The following TRIO variants were observed in gnomAD, a reference collection of about 807,000 sequenced individuals.
The protein encoded by TRIO is triple functional domain protein.
In TRIO, 58 loss-of-function variants were observed where a neutral mutation model predicts 351.9. The ratio of observed to expected loss-of-function variants is 0.16; its 90% CI spans 0.13 to 0.21. The LOEUF (loss-of-function observed/expected upper bound fraction) is 0.21, where lower values mean the gene tolerates loss of function less well. Ranked by LOEUF, TRIO falls within the 10% of genes least tolerant of loss-of-function variation. The pLI, the probability that TRIO is intolerant of heterozygous loss-of-function variation, is 1.00. For missense variants in TRIO, 3,201 were observed against 4,027.8 expected, an observed-to-expected ratio of 0.79 and a Z score of 5.56; for synonymous variants, 1,758 against 1,595.7, an observed-to-expected ratio of 1.10 and a Z score of -2.42.
Position 14,507,149 on chromosome 5 carries a change from C to T in TRIO, c.8640C>T (p.Cys2880=), listed in dbSNP as rs566858188. The change falls in exon 56 of 57, where the codon TGC becomes TGT. Residue 2880 remains cysteine, a synonymous_variant. Transcript: ENST00000344204. The part of the protein sequence containing the change: ...EMADQGRLLD[C]VVRWGSLTEG... The stretch of plus-strand genomic sequence containing the variant: ...CTGACCAGGGTCGCCTCCTGGACTG[C>T]GTGGTGCGATGGGGAAGCCTCACTG... 131 of 1,611,030 alleles carry T rather than the reference C, an allele frequency of 8.1e-5. No individual in the cohort carries two copies. The South Asian group carries it at 1.1e-3, about 13-fold the overall frequency.
At position 14,387,474 on chromosome 5, in the gene TRIO, G is replaced by T. The variant is rs1470190534; in HGVS notation, c.3607G>T (p.Ala1203Ser). The T allele has an allele frequency of 6.2e-7, 1 of 1,613,732 alleles. No homozygotes were observed. Among genetic ancestry groups the T allele is most frequent in the South Asian group, 1.1e-5 (1 of 91,034 alleles). Residue 1203 changes from alanine (A) to serine (S), a missense_variant, in exon 22 of 57, where the codon GCT (alanine) becomes TCT (serine). Around this residue, in one of 19 missense-constraint regions of TRIO, gnomAD observed 201 missense variants for 266.5 expected, o/e 0.75. Coordinates refer to ENST00000344204, the MANE Select transcript of TRIO (RefSeq NM_007118.4). ...GAGAGTGAAGCTATTGATACAGCTG[G>T]CTGATGGCTTTTGTGAAAAAGGGCA... ...KERVKLLIQLADGFCEKGHAH... is the reference protein window; with the variant it reads ...KERVKLLIQLSDGFCEKGHAH...
At chr5:14,354,732 A>T (rs182994282) in intron 11 of TRIO, among the ~76,000 whole-genome samples, 2 of 152,334 alleles carry the variant, frequency 1.3e-5, no homozygotes, top group Non-Finnish European at 2.9e-5. Context: ...TGGCAGTGGG[A>T]CAGAGTAATA....
chr5:14,367,867 C>T (rs561301646), intron 16 of TRIO, among the ~76,000 whole-genome samples: 1 of 152,192 alleles, frequency 6.6e-6, no homozygotes, highest in African/African-American at 2.4e-5. Context: ...GTATACTGTG[C>T]CAAGGGATTT....
At chr5:14,308,790 C>CACCCAACT (rs1182108152) in intron 8 of TRIO, among the ~76,000 whole-genome samples, 3 of 151,978 alleles carry the variant, frequency 2.0e-5, no homozygotes, top group Non-Finnish European at 4.4e-5. Flanking sequence ...TCCAACCAAC[C>CACCCAACT]ACCCATCCTA....
In TRIO at chr5:14,472,614, G is replaced by A. The variant is rs1754771087; in HGVS notation, c.5935G>A (p.Glu1979Lys). 1 of 1,614,000 alleles carries A rather than the reference G, an allele frequency of 6.2e-7. No individual in the cohort carries two copies. Among genetic ancestry groups the A allele is most frequent in the South Asian group, 1.1e-5 (1 of 91,086 alleles). Residue 1979 changes from glutamate (E) to lysine (K), a missense_variant, in exon 39 of 57, where the codon GAG (glutamate) becomes AAG (lysine). Around this residue, in one of 19 missense-constraint regions of TRIO, gnomAD observed 307 missense variants for 396.5 expected, o/e 0.77. Coordinates refer to ENST00000344204, the MANE Select transcript of TRIO (RefSeq NM_007118.4). ...RRHYVLQELVETERDYVRDLG... is the reference protein window; with the variant it reads ...RRHYVLQELVKTERDYVRDLG... ...CAGCTACGTTTTGCAAGAACTAGTGGAGACAGAGCGTGACTATGTGCGGGA... is the reference window on the plus strand; with the variant it reads ...CAGCTACGTTTTGCAAGAACTAGTGAAGACAGAGCGTGACTATGTGCGGGA...
At chr5:14,470,659 A>G (rs1214966689) in intron 37 of TRIO, among the ~76,000 whole-genome samples, 1 of 152,262 alleles carries the variant, frequency 6.6e-6, no homozygotes, top group Non-Finnish European at 1.5e-5. Context: ...AATCACCTAT[A>G]GAAACCAAAA....
intron 6 of TRIO, among the ~76,000 whole-genome samples, chr5:14,294,923 T>G (rs992494967): frequency 6.6e-6 from 1 of 152,178 alleles, no homozygotes; most frequent in Non-Finnish European, 1.5e-5. Context: ...CAGCTATTTT[T>G]TTTGGGAGGG....
chr5:14,437,122 T>C (rs1193163222), intron 34 of TRIO, among the ~76,000 whole-genome samples: 3 of 152,236 alleles, frequency 2.0e-5, no homozygotes, highest in Non-Finnish European at 2.9e-5. Context: ...TGGATTTCAT[T>C]CTCTGGAATG....
At chr5:14,232,543 A>G (rs1793507260) in intron 1 of TRIO, among the ~76,000 whole-genome samples, 1 of 152,252 alleles carries the variant, frequency 6.6e-6, no homozygotes, top group African/African-American at 2.4e-5. Flanking sequence ...ATTGTCTGGC[A>G]TCATTGCTGC....
In TRIO at chr5:14,396,443, C is replaced by CTTTTTTTTTTTT. The variant is rs1173121592; in HGVS notation, c.4312-567_4312-556dup. ...ATAATAATTAAATATTTCTATTTAT[C>CTTTTTTTTTTTT]TTTTTTTTTTTTTTTTTTTTTTTTT... On this transcript the variant is annotated intron_variant, in intron 28 of 56. Coordinates refer to ENST00000344204, the MANE Select transcript of TRIO (RefSeq NM_007118.4). Among the ~76,000 whole-genome samples the CTTTTTTTTTTTT allele has an allele frequency of 2.5e-3, 103 of 41,554 alleles. 28 individuals carry two copies. The highest frequency in any genetic ancestry group is 3.3e-3 in the Non-Finnish European group (73 of 22,184). 27.3% of individuals were successfully genotyped at this position (41,554 alleles called of 152,430 possible). A position where few individuals can be genotyped will look rare whatever the true frequency, so the allele number is the denominator to read the frequency against.
rs559950656 is a variant in TRIO, at chr5:14,315,625, CTACT to C, written c.1501-885_1501-882del. Among the ~76,000 whole-genome samples the C allele has an allele frequency of 1.1e-3, 162 of 152,264 alleles. 1 individual carries two copies. The highest frequency in any genetic ancestry group is 1.6e-3 in the Non-Finnish European group (107 of 68,002). The stretch of plus-strand genomic sequence containing the variant: ...GAAGGATCATGTGAAGAGGCCCTAC[CTACT>C]TAAGACACCTGCATCCCACACCTGG... On this transcript the variant is annotated intron_variant, in intron 8 of 56. Coordinates refer to ENST00000344204, the MANE Select transcript of TRIO (RefSeq NM_007118.4).
intron 12 of TRIO, among the ~76,000 whole-genome samples, chr5:14,359,156 A>G (rs115800266): frequency 0.011 from 1,688 of 152,358 alleles, 37 homozygotes; most frequent in African/African-American, 0.038. Flanking sequence ...AAATTCTTCA[A>G]TGTATCCTCA....
Position 14,369,278 on chromosome 5 carries a change from T to C in TRIO, c.3067-96T>C. 2.0e-6 allele frequency: 3 copies of C among 1,483,520 alleles called. No homozygotes were observed. The South Asian group carries it at 4.2e-5, about 21-fold the overall frequency. 91.9% of individuals were successfully genotyped at this position (1,483,520 alleles called of 1,614,324 possible). A position where few individuals can be genotyped will look rare whatever the true frequency, so the allele number is the denominator to read the frequency against. ...TATGGTCTTGATCCTCCTGACAGCA[T>C]CTTCATCCCCAGAGCCCGACTGAAA... is the stretch of plus-strand genomic sequence containing the variant. On this transcript the variant is annotated intron_variant, in intron 17 of 56. Transcript: ENST00000344204.
chr5:14,358,454 G>A, intron 12 of TRIO, 107 bp downstream of exon 12: 1 of 1,366,132 alleles, frequency 7.3e-7, no homozygotes, highest in Non-Finnish European at 1.0e-6. Flanking sequence ...CTGTCCAGCT[G>A]AGTGCAGAGC....
intron 11 of TRIO, among the ~76,000 whole-genome samples, chr5:14,350,125 A>G (rs1367026285): frequency 6.6e-6 from 1 of 152,128 alleles, no homozygotes; most frequent in Non-Finnish European, 1.5e-5. Context: ...GCTTGTGTCA[A>G]AGGAGCTCCA....
intron 34 of TRIO, among the ~76,000 whole-genome samples, chr5:14,458,380 C>T (rs1297439388): frequency 6.6e-6 from 1 of 152,204 alleles, no homozygotes; most frequent in Non-Finnish European, 1.5e-5. Context: ...TATCCATTCT[C>T]CTGACCCAGT....
At chr5:14,253,437 C>T (rs1264054751) in intron 1 of TRIO, among the ~76,000 whole-genome samples, 1 of 152,144 alleles carries the variant, frequency 6.6e-6, no homozygotes, top group East Asian at 1.9e-4. Context: ...TGCGCTGCAC[C>T]CTCTGCCTCC....
chr5:14,399,605 A>G (rs1347243125), intron 30 of TRIO, among the ~76,000 whole-genome samples: 2 of 152,234 alleles, frequency 1.3e-5, no homozygotes, highest in African/African-American at 2.4e-5. Context: ...AGCCCCAGCT[A>G]TGTGGAGACA....
At chr5:14,374,379 T>C (rs1745379755) in intron 19 of TRIO, 36 bp downstream of exon 19, 2 of 1,549,892 alleles carry the variant, frequency 1.3e-6, no homozygotes, top group Admixed American at 1.8e-5. Context: ...GGTGGCCCAG[T>C]GCATGCCTGG....
Sources: allele counts gnomAD v4.1 joint callset (sites outside exome capture counted in the v4.1 genomes callset), GRCh38; gene constraint gnomAD v4.1.1; regional missense constraint gnomAD v4.1.1; transcripts MANE v1.5; gene names NCBI Gene and HGNC (gene_info 2026-07-23, HGNC 2026-07-21).